The following EXOC6 variants were observed in gnomAD, a reference collection of about 807,000 sequenced individuals.
EXOC6 encodes the protein exocyst complex component 6.
EXOC6 carries 60 observed loss-of-function variants against 112.5 expected under a neutral mutation model. The observed-to-expected ratio is 0.53, with a 90% CI of 0.43 to 0.66. EXOC6 has a LOEUF of 0.66. Among genes scored for constraint, EXOC6 ranks in the 30% least tolerant of loss-of-function variants. The pLI is 0.00. For synonymous variants in EXOC6, 295 were observed against 308.0 expected (o/e 0.96, Z 0.44); for missense variants, 855 against 957.1 (o/e 0.89, Z 1.41).
Position 92,948,368 on chromosome 10 carries a change from G to T in EXOC6, c.1405G>T (p.Asp469Tyr). 6.3e-7 allele frequency: 1 copy of T among 1,584,894 alleles called. No homozygotes were observed. The highest frequency in any genetic ancestry group is 8.6e-7 in the Non-Finnish European group (1 of 1,163,114). ...VISKFPFQDP[D>Y]LEKQSFPKKF... Reference sequence around the variant, plus strand: ...CAGCAAATTTCCCTTTCAAGATCCAGACCTTGAAAAGGTACAAGCTAGTTT... The same window carrying T: ...CAGCAAATTTCCCTTTCAAGATCCATACCTTGAAAAGGTACAAGCTAGTTT... The change falls in exon 14 of 22, where the codon GAC becomes TAC. Residue 469 changes from aspartate (D) to tyrosine (Y), a missense_variant. This residue lies in a region of EXOC6 where 450 missense variants were observed against 563.5 expected (regional missense o/e 0.80). Transcript: ENST00000260762.
At chr10:93,047,012 G>A (rs1292084563) in intron 20 of EXOC6, among the ~76,000 whole-genome samples, 3 of 152,334 alleles carry the variant, frequency 2.0e-5, no homozygotes, top group East Asian at 1.9e-4. Context: ...TGCATGTCAT[G>A]TTAAGGAACT....
intron 17 of EXOC6, among the ~76,000 whole-genome samples, chr10:92,968,930 T>C (rs1478434755): frequency 6.6e-6 from 1 of 152,188 alleles, no homozygotes; most frequent in Non-Finnish European, 1.5e-5. Flanking sequence ...TTAACCCATA[T>C]TCTTTATGAG....
chr10:93,011,994 A>G (rs1163060254), intron 19 of EXOC6, among the ~76,000 whole-genome samples: 1 of 152,232 alleles, frequency 6.6e-6, no homozygotes, highest in Non-Finnish European at 1.5e-5. Context: ...GGGTCTGAGA[A>G]TGGTGAATTT....
At chr10:93,036,737 GA>G (rs1289775382) in intron 20 of EXOC6, among the ~76,000 whole-genome samples, 1 of 152,152 alleles carries the variant, frequency 6.6e-6, no homozygotes, top group African/African-American at 2.4e-5. Context: ...CAGATTTATG[GA>G]AAAAATTAAG....
At chr10:92,867,758 C>T (rs1043646450) in intron 1 of EXOC6, among the ~76,000 whole-genome samples, 5 of 152,108 alleles carry the variant, frequency 3.3e-5, no homozygotes, top group African/African-American at 9.7e-5. Context: ...TTTGGGAATG[C>T]TGAGATGGAT....
intron 1 of EXOC6, among the ~76,000 whole-genome samples, chr10:92,828,651 T>TTA (rs397827878): frequency 7.6e-5 from 11 of 144,046 alleles, no homozygotes; most frequent in East Asian, 2.2e-4. Context: ...TTTTTTTTTT[T>TTA]AATAGACTTC....
chr10:92,872,793 TTA>T (rs1005807907), intron 1 of EXOC6, among the ~76,000 whole-genome samples: 9 of 152,144 alleles, frequency 5.9e-5, no homozygotes, highest in Non-Finnish European at 1.0e-4. Context: ...TCAATTAATT[TTA>T]TGTTTTGTTT....
At chr10:93,052,149 A>G (rs1450164861) in intron 20 of EXOC6, among the ~76,000 whole-genome samples, 1 of 152,218 alleles carries the variant, frequency 6.6e-6, no homozygotes, top group Non-Finnish European at 1.5e-5. Context: ...ATCAGATTCA[A>G]GGAAAAAATG....
In EXOC6 at chr10:92,931,995, G is replaced by A. The variant is rs542409861; in HGVS notation, c.973-2149G>A. Among the ~76,000 whole-genome samples, 5 of 152,228 alleles carry A rather than the reference G, an allele frequency of 3.3e-5. No individual in the cohort carries two copies. In the South Asian group the frequency reaches 8.3e-4, roughly 25 times the overall value. On this transcript the variant is annotated intron_variant, in intron 9 of 21. Coordinates refer to ENST00000260762, the MANE Select transcript of EXOC6 (RefSeq NM_019053.6). ...AGTGGCTCATATGTGAATGTTTGTA[G>A]TAGCTTTATTATAAACACCAAAAAC...
chr10:92,850,657 G>T lies in EXOC6; in HGVS notation c.101+2023G>T, dbSNP rs151120924. 5.6e-3 allele frequency among the ~76,000 whole-genome samples: 845 copies of T among 152,000 alleles called. 6 individuals carry two copies. Among genetic ancestry groups the T allele is most frequent in the African/African-American group, 0.017 (698 of 41,446 alleles). On this transcript the variant is annotated intron_variant, in intron 1 of 21. Coordinates refer to ENST00000260762, the MANE Select transcript of EXOC6 (RefSeq NM_019053.6). ...TCATCTAGCTTCAATTCATTCCCTG[G>T]CCAGTCTTGTTTGATCTCTTCCCTT...
At chr10:92,925,208 A>G (rs756988388) in intron 8 of EXOC6, among the ~76,000 whole-genome samples, 1 of 152,182 alleles carries the variant, frequency 6.6e-6, no homozygotes, top group Non-Finnish European at 1.5e-5. Context: ...GTAATGAGAA[A>G]CTGATTTATT....
chr10:92,863,951 A>G (rs11594490), intron 1 of EXOC6, among the ~76,000 whole-genome samples: 8 of 151,626 alleles, frequency 5.3e-5, no homozygotes, highest in African/African-American at 1.9e-4. Context: ...CAAAAAAAAA[A>G]GAAAAAAAAC....
intron 19 of EXOC6, among the ~76,000 whole-genome samples, chr10:93,000,924 T>G (rs375867741): frequency 6.6e-6 from 1 of 152,230 alleles, no homozygotes; most frequent in Non-Finnish European, 1.5e-5. Flanking sequence ...AAAATGAAAC[T>G]TAGCTTTCTC....
At chr10:92,836,401 A>C (rs2133574893) in intron 1 of EXOC6, among the ~76,000 whole-genome samples, 1 of 152,168 alleles carries the variant, frequency 6.6e-6, no homozygotes, top group South Asian at 2.1e-4. Flanking sequence ...AATCATTTAG[A>C]TTTGGCAGCC....
intron 20 of EXOC6, among the ~76,000 whole-genome samples, chr10:93,030,932 TAAG>T (rs1845242817): frequency 6.6e-6 from 1 of 152,154 alleles, no homozygotes; most frequent in East Asian, 1.9e-4. Context: ...TTTGCCAAAA[TAAG>T]AACCTTAAAG....
chr10:92,893,157 T>C (rs975669723), intron 1 of EXOC6, among the ~76,000 whole-genome samples, 192 bp from the exon 2 acceptor site: 3 of 152,146 alleles, frequency 2.0e-5, no homozygotes, highest in Admixed American at 6.6e-5. Context: ...TATCTAGAGC[T>C]TGTGTGGTTC....
chr10:93,017,283 A>G (rs1224574269), intron 20 of EXOC6, among the ~76,000 whole-genome samples: 2 of 151,966 alleles, frequency 1.3e-5, no homozygotes, highest in African/African-American at 4.8e-5. Flanking sequence ...GGGAGAAGGG[A>G]TGAGAGATAA....
At chr10:92,909,738 C>T (rs1192240859) in intron 6 of EXOC6, 107 bp downstream of exon 6, 3 of 689,878 alleles carry the variant, frequency 4.3e-6, no homozygotes, top group Non-Finnish European at 7.0e-6. Flanking sequence ...TTTTGTTTTA[C>T]CTTTTTCTTA....
chr10:92,930,056 G>A (rs1851943138), intron 9 of EXOC6, among the ~76,000 whole-genome samples: 1 of 152,182 alleles, frequency 6.6e-6, no homozygotes, highest in Admixed American at 6.5e-5. Context: ...AGATAAAGAG[G>A]AATGGAAGAC....
Sources: allele counts gnomAD v4.1 joint callset (sites outside exome capture counted in the v4.1 genomes callset), GRCh38; gene constraint gnomAD v4.1.1; regional missense constraint gnomAD v4.1.1; transcripts MANE v1.5; gene names NCBI Gene and HGNC (gene_info 2026-07-23, HGNC 2026-07-21).